The following LOXL4 variants were observed in gnomAD, a reference collection of about 807,000 sequenced individuals.
LOXL4 encodes lysyl oxidase homolog 4.
In LOXL4, 72 loss-of-function variants were observed where a neutral mutation model predicts 89.1. The ratio of observed to expected loss-of-function variants is 0.81; its 90% CI spans 0.67 to 0.98. LOXL4 has a LOEUF of 0.98. Among genes scored for constraint, LOXL4 ranks in the 50% least tolerant of loss-of-function variants. LOXL4 has a pLI of 0.00. For synonymous variants in LOXL4, 355 were observed against 392.1 expected (o/e 0.91, Z 1.12); for missense variants, 984 against 1,017.5 (o/e 0.97, Z 0.45).
At chr10:98,258,268 G>A (rs1488241324) in intron 6 of LOXL4, 104 bp from the exon 7 acceptor site, 29 of 1,202,442 alleles carry the variant, frequency 2.4e-5, no homozygotes, top group Admixed American at 7.9e-5. Context: ...GTTCCATGGC[G>A]GTGGCCAGAG....
rs1858105110 is a variant in LOXL4 at position 98,248,752 on chromosome 10, A to AATG, written c.*168_*169insCAT. 3.2e-6 allele frequency: 2 copies of AATG among 631,002 alleles called. No homozygotes were observed. The highest frequency in any genetic ancestry group is 5.6e-5 in the East Asian group (2 of 35,730). 39.1% of individuals were successfully genotyped at this position (631,002 alleles called of 1,614,324 possible). A position where few individuals can be genotyped will look rare whatever the true frequency, so the allele number is the denominator to read the frequency against. ...AGGCCCAGAGCCATCCTGAGGGAGCAATACCATCTGGATTGGTGATCTTGC... is the reference window on the plus strand; with the variant it reads ...AGGCCCAGAGCCATCCTGAGGGAGCAATGATACCATCTGGATTGGTGATCTTGC... On this transcript the variant is annotated 3_prime_UTR_variant, in exon 15 of 15. Transcript: ENST00000260702.
chr10:98,257,483 G>A (rs1488116187), intron 8 of LOXL4, among the ~76,000 whole-genome samples, 167 bp downstream of exon 8: 2 of 152,132 alleles, frequency 1.3e-5, no homozygotes, highest in African/African-American at 2.4e-5. Flanking sequence ...CTGACATTTC[G>A]GAGGGGCTGC....
intron 9 of LOXL4, 49 bp downstream of exon 9, chr10:98,256,731 A>G (rs1858376866): frequency 1.9e-6 from 3 of 1,608,428 alleles, no homozygotes; most frequent in African/African-American, 1.3e-5. Context: ...TTTGGGCCTC[A>G]GAACAGGAGG....
chr10:98,252,175 A>G, intron 12 of LOXL4, 178 bp downstream of exon 12: 1 of 589,762 alleles, frequency 1.7e-6, no homozygotes, highest in Non-Finnish European at 3.0e-6. Context: ...CAGAGGAAGT[A>G]AAAACCTCCT....
Position 98,253,810 on chromosome 10 carries a change from G to A in LOXL4, c.1592-14C>T. On this transcript the variant is annotated splice_polypyrimidine_tract_variant and intron_variant, in intron 10 of 14. Transcript: ENST00000260702. ...GGTCTGGTGCACCTGGGGCGGCGGAGGGCATGGCAGTGACTCAAAGGGTGG... is the reference window on the plus strand; with the variant it reads ...GGTCTGGTGCACCTGGGGCGGCGGAAGGCATGGCAGTGACTCAAAGGGTGG... 1 of 1,613,360 alleles carries A rather than the reference G, an allele frequency of 6.2e-7. No homozygotes were observed. The highest frequency in any genetic ancestry group is 8.5e-7 in the Non-Finnish European group (1 of 1,179,874).
chr10:98,256,476 T>A (rs981452248), intron 9 of LOXL4: 2 of 414,738 alleles, frequency 4.8e-6, no homozygotes, highest in Non-Finnish European at 8.6e-6. Context: ...TTTCCTCAGC[T>A]GAATCAAGCT....
rs750681245 is a variant in LOXL4 at position 98,255,632 on chromosome 10, C to T, written c.1536G>A (p.Pro512=). 73 of 1,613,234 alleles carry T rather than the reference C, an allele frequency of 4.5e-5. No individual in the cohort carries two copies. Among genetic ancestry groups the T allele is most frequent in the Non-Finnish European group, 5.6e-5 (66 of 1,179,460 alleles). ...GCCCGCCACCGTGGGAGCAGTGCAC[C>T]GGCCCGTGCCTCTGGCACTGCTGCA... The part of the protein sequence containing the change: ...LALQQCQRHG[P]VHCSHGGGRF... Residue 512 remains proline (P), a synonymous_variant, in exon 10 of 15, where the codon CCG becomes CCA. Transcript: ENST00000260702.
At chr10:98,258,410 G>GT (rs1858444801) in intron 6 of LOXL4, among the ~76,000 whole-genome samples, 1 of 151,498 alleles carries the variant, frequency 6.6e-6, no homozygotes, top group African/African-American at 2.4e-5. Flanking sequence ...CGTCTCAAGT[G>GT]TGGCGCTAAG....
chr10:98,266,887 C>A (rs1033947456), intron 1 of LOXL4, among the ~76,000 whole-genome samples: 4 of 152,166 alleles, frequency 2.6e-5, no homozygotes, highest in African/African-American at 4.8e-5. Flanking sequence ...CCAGACTCCA[C>A]CTGTCTGTTC....
At chr10:98,252,024 G>T (rs1278629135) in intron 12 of LOXL4, 5 of 486,332 alleles carry the variant, frequency 1.0e-5, no homozygotes, top group Non-Finnish European at 1.5e-5. Flanking sequence ...AGTTCCTAAG[G>T]GTTAGGGACT....
rs765189423 is a variant in LOXL4, at chr10:98,253,763, A to G, written c.1625T>C (p.Val542Ala). The G allele has an allele frequency of 6.2e-7, 1 of 1,614,150 alleles. No homozygotes were observed. The highest frequency in any genetic ancestry group is 1.1e-5 in the South Asian group (1 of 91,086). Residue 542 changes from valine (V) to alanine (A), a missense_variant, in exon 11 of 15, where the codon GTG becomes GCG. Transcript: ENST00000260702. ...GTCCTCCAAGTAGGCCGTCTCCTGCACTAGCTGGGCGTTCATCACCAGGTC... is the reference window on the plus strand; with the variant it reads ...GTCCTCCAAGTAGGCCGTCTCCTGCGCTAGCTGGGCGTTCATCACCAGGTC... Reference protein sequence around the residue: ...APDLVMNAQLVQETAYLEDRP... With the variant: ...APDLVMNAQLAQETAYLEDRP...
At chr10:98,252,241 G>A (rs1324900999) in intron 12 of LOXL4, 112 bp downstream of exon 12, 3 of 747,408 alleles carry the variant, frequency 4.0e-6, no homozygotes, top group Non-Finnish European at 6.7e-6. Flanking sequence ...TCAAGCCAGG[G>A]TCTCCAGGTG....
intron 9 of LOXL4, 173 bp from the exon 10 acceptor site, chr10:98,255,912 ACC>A: frequency 1.5e-6 from 1 of 684,820 alleles, no homozygotes; most frequent in Non-Finnish European, 2.4e-6. Flanking sequence ...ACACATTTGG[ACC>A]CTTCTGATGT....
In LOXL4 at chr10:98,262,851, C is replaced by A; in HGVS notation, c.169G>T (p.Val57Leu). Residue 57 changes from valine to leucine, a missense_variant, in exon 2 of 15, where the codon GTG becomes TTG. Physicochemically the swap from Val to Leu is conservative, Grantham distance 32. Coordinates refer to ENST00000260702, the MANE Select transcript of LOXL4 (RefSeq NM_032211.7). ...EVLHQGQWGT[V>L]CDDNFAIQEA... ...TGGATAGCAAAGTTGTCATCACACA[C>A]GGTGCCCCACTGGCCCTGGTGCAGC... is the stretch of plus-strand genomic sequence containing the variant. The A allele has an allele frequency of 6.2e-7, 1 of 1,613,774 alleles. No individual in the cohort carries two copies. The highest frequency in any genetic ancestry group is 8.5e-7 in the Non-Finnish European group (1 of 1,180,038).
intron 8 of LOXL4, 98 bp from the exon 9 acceptor site, chr10:98,257,045 A>C (rs1590879749): frequency 7.1e-7 from 1 of 1,403,226 alleles, no homozygotes; most frequent in Non-Finnish European, 9.6e-7. Context: ...TCACTGTGTC[A>C]CCCTAGACAA....
chr10:98,251,636 G>T lies in LOXL4; in HGVS notation c.2018C>A (p.Thr673Asn), dbSNP rs1404855853. 3 of 1,614,242 alleles carry T rather than the reference G, an allele frequency of 1.9e-6. No individual in the cohort carries two copies. Among genetic ancestry groups the T allele is most frequent in the East Asian group, 2.2e-5 (1 of 44,896 alleles). The change falls in exon 13 of 15, where the codon ACC becomes AAC. Residue 673 changes from threonine to asparagine, a missense_variant. Coordinates refer to ENST00000260702, the MANE Select transcript of LOXL4 (RefSeq NM_032211.7). Reference protein sequence around the residue: ...EQGVTVGCWDTYRHDIDCQWV... With the variant: ...EQGVTVGCWDNYRHDIDCQWV... ...CTGGCAATCAATGTCATGCCGGTAG[G>T]TGTCCCAGCAGCCTACAGTCACTCC...
Position 98,248,849 on chromosome 10 carries a change from G to T in LOXL4, c.*72C>A. The T allele has an allele frequency of 7.1e-7, 1 of 1,405,208 alleles. No individual in the cohort carries two copies. Among genetic ancestry groups the T allele is most frequent in the South Asian group, 1.2e-5 (1 of 82,042 alleles). 87.0% of individuals were successfully genotyped at this position (1,405,208 alleles called of 1,614,324 possible). A position where few individuals can be genotyped will look rare whatever the true frequency, so the allele number is the denominator to read the frequency against. ...CCCTTTTCCTCTGAGTTGGGACTCT[G>T]TGAAGGGCATGGCTCCAATAAGCTG... is the stretch of plus-strand genomic sequence containing the variant. On this transcript the variant is annotated 3_prime_UTR_variant, in exon 15 of 15. Transcript: ENST00000260702.
At position 98,253,789 on chromosome 10, in the gene LOXL4, T is replaced by A; in HGVS notation, c.1599A>T (p.Pro533=). 1 of 1,613,948 alleles carries A rather than the reference T, an allele frequency of 6.2e-7. No individual in the cohort carries two copies. Among genetic ancestry groups the A allele is most frequent in the Non-Finnish European group, 8.5e-7 (1 of 1,179,998 alleles). ...LAGVSCMDSA[P]DLVMNAQLVQ... is the part of the protein sequence containing the mutation. ...CTAGCTGGGCGTTCATCACCAGGTC[T>A]GGTGCACCTGGGGCGGCGGAGGGCA... The change falls in exon 11 of 15, where the codon CCA becomes CCT. Residue 533 remains proline (P), a synonymous_variant. Transcript: ENST00000260702.
At chr10:98,267,756 T>C (rs1460443690) in intron 1 of LOXL4, among the ~76,000 whole-genome samples, 1 of 152,194 alleles carries the variant, frequency 6.6e-6, no homozygotes, top group African/African-American at 2.4e-5. Context: ...AGATCAGCCC[T>C]GGTTCGTTGT....
Sources: gnomAD v4.1 joint callset for allele counts (sites outside exome capture counted in the v4.1 genomes callset) on GRCh38, gnomAD v4.1.1 for gene constraint, MANE v1.5 for transcripts, NCBI Gene and HGNC (gene_info 2026-07-23, HGNC 2026-07-21) for gene names.